SETD2: variants seen among roughly 807,000 people sequenced by gnomAD.
The protein encoded by SETD2 is histone-lysine N-methyltransferase SETD2.
SETD2 carries 31 observed loss-of-function variants against 242.1 expected under a neutral mutation model. The ratio of observed to expected loss-of-function variants is 0.13; its 90% CI spans 0.10 to 0.17. The LOEUF is 0.17. Among genes scored for constraint, SETD2 ranks in the 10% least tolerant of loss-of-function variants. The probability of loss-of-function intolerance (pLI) is 1.00; values close to 1 mark genes in which losing one functional copy is unlikely to be tolerated. For synonymous variants in SETD2, 1,006 were observed against 1,066.5 expected (o/e 0.94, Z 1.11); for missense variants, 2,481 against 3,046.3 (o/e 0.81, Z 4.37).
chr3:47,029,150 C>T (rs1296388737), intron 18 of SETD2: 1 of 154,280 alleles, frequency 6.5e-6, no homozygotes, highest in African/African-American at 2.4e-5. Context: ...GCAGCCTCGA[C>T]CTCTGGGGCT....
In SETD2 at chr3:47,113,920, T is replaced by C. The variant is rs1249012798; in HGVS notation, c.4671A>G (p.Thr1557=). The C allele has an allele frequency of 6.2e-7, 1 of 1,613,828 alleles. No individual in the cohort carries two copies. The highest frequency in any genetic ancestry group is 8.5e-7 in the Non-Finnish European group (1 of 1,179,858). Residue 1557 remains threonine (T), a synonymous_variant, in exon 5 of 21, where the codon ACA becomes ACG. Transcript: ENST00000409792. The stretch of plus-strand genomic sequence containing the variant: ...CTCTCAAGCCCCAGCCTTTCTTTTC[T>C]GTGAGTATGACTTCCACATCTGCAT... The part of the protein sequence containing the change: ...KQHADVEVIL[T]EKKGWGLRAA...
At position 47,145,410 on chromosome 3, in the gene SETD2, A is replaced by G. The variant is rs1294002589; in HGVS notation, c.71+18444T>C. On this transcript the variant is annotated intron_variant, in intron 1 of 20. Transcript: ENST00000409792. Reference sequence around the variant, plus strand: ...CCTGTGTTTTGTTTTTGTTTTTAAGAGACGGGGTCTTGCTTTGTTGCCCAG... The same window carrying G: ...CCTGTGTTTTGTTTTTGTTTTTAAGGGACGGGGTCTTGCTTTGTTGCCCAG... 5.7e-5 allele frequency: 16 copies of G among 281,422 alleles called. No individual in the cohort carries two copies. In the East Asian group the frequency reaches 1.4e-3, roughly 25 times the overall value. 17.4% of individuals were successfully genotyped at this position (281,422 alleles called of 1,614,324 possible). A position where few individuals can be genotyped will look rare whatever the true frequency, so the allele number is the denominator to read the frequency against.
intron 4 of SETD2, 117 bp from the exon 5 acceptor site, chr3:47,114,121 T>C: frequency 3.0e-6 from 3 of 988,494 alleles, no homozygotes; most frequent in East Asian, 2.6e-5. Flanking sequence ...ATAATTAGCA[T>C]ATGTATGACT....
In SETD2 at chr3:47,122,216, G is replaced by C. The variant is rs1239610142; in HGVS notation, c.2420C>G (p.Ser807Cys). The C allele has an allele frequency of 4.3e-6, 7 of 1,614,104 alleles. No homozygotes were observed. Among genetic ancestry groups the C allele is most frequent in the Non-Finnish European group, 5.9e-6 (7 of 1,179,994 alleles). The change falls in exon 3 of 21, where the codon TCT (serine) becomes TGT (cysteine). Residue 807 changes from serine (S) to cysteine (C), a missense_variant. This residue lies in a region of SETD2 where 1,300 missense variants were observed against 1,259.2 expected (regional missense o/e 1.03). Coordinates refer to ENST00000409792, the MANE Select transcript of SETD2 (RefSeq NM_014159.7). ...TGAAGGCTCAATATTTTCAGCTTCA[G>C]AGTTACACAAAGAAGGGTTGCTATC... is the stretch of plus-strand genomic sequence containing the variant. Reference protein sequence around the residue: ...LNDSNPSLCNSEAENIEPSVM... With the variant: ...LNDSNPSLCNCEAENIEPSVM...
chr3:47,103,153 G>A (rs911362303), intron 7 of SETD2, among the ~76,000 whole-genome samples, 193 bp downstream of exon 7: 1 of 151,906 alleles, frequency 6.6e-6, no homozygotes, highest in Non-Finnish European at 1.5e-5. Context: ...CTGATATATG[G>A]GTGTAGTCAA....
chr3:47,062,487 A>C (rs1046536840), intron 13 of SETD2, 141 bp from the exon 14 acceptor site: 2 of 714,182 alleles, frequency 2.8e-6, no homozygotes, highest in East Asian at 5.3e-5. Flanking sequence ...TCATCTACCC[A>C]GTTCTGAATT....
Position 47,049,551 on chromosome 3 carries a change from T to A in SETD2, c.6964-2930A>T, listed in dbSNP as rs1418898437. Among the ~76,000 whole-genome samples the A allele has an allele frequency of 1.4e-4, 20 of 146,860 alleles. No individual in the cohort carries two copies. In the Admixed American group the frequency reaches 1.4e-3, roughly 10 times the overall value. Reference sequence around the variant, plus strand: ...CCACACCTGGCTAATTTTTTGTATTTTTAGTAGAGATGGGGTTTCACCTTG... The same window carrying A: ...CCACACCTGGCTAATTTTTTGTATTATTAGTAGAGATGGGGTTTCACCTTG... On this transcript the variant is annotated intron_variant, in intron 15 of 20. Transcript: ENST00000409792.
At chr3:47,125,133 AC>A (rs1463456745) in intron 2 of SETD2, among the ~76,000 whole-genome samples, 4 of 152,038 alleles carry the variant, frequency 2.6e-5, no homozygotes, top group African/African-American at 9.7e-5. Context: ...AGCCTGGCCA[AC>A]ATAATGAAAA....
In SETD2 at chr3:47,121,390, T is replaced by C. The variant is rs750397992; in HGVS notation, c.3246A>G (p.Glu1082=). The C allele has an allele frequency of 1.2e-6, 2 of 1,610,048 alleles. No homozygotes were observed. Among genetic ancestry groups the C allele is most frequent in the Admixed American group, 3.3e-5 (2 of 60,024 alleles). The change falls in exon 3 of 21, where the codon GAA becomes GAG. Residue 1082 remains glutamate (E), a synonymous_variant. Transcript: ENST00000409792. The part of the protein sequence containing the change: ...VPKNSTLPME[E]TSPCSSRSSQ... ...TGCTCCGAGAAGAACAAGGACTTGT[T>C]TCTTCCATGGGCAAAGTAGAATTCT...
intron 1 of SETD2, among the ~76,000 whole-genome samples, chr3:47,155,024 G>C (rs571184538): frequency 2.0e-5 from 3 of 151,806 alleles, no homozygotes; most frequent in African/African-American, 7.2e-5. Context: ...CATACTATCA[G>C]ACCCTGTTAT....
intron 1 of SETD2, 179 bp downstream of exon 1, chr3:47,163,675 G>C (rs991273287): frequency 2.7e-4 from 122 of 444,108 alleles, no homozygotes; most frequent in African/African-American, 2.2e-3. Context: ...GGCCTGCTGC[G>C]GCCCCGGCCA....
At chr3:47,048,248 G>T (rs1022878389) in intron 15 of SETD2, among the ~76,000 whole-genome samples, 3 of 152,086 alleles carry the variant, frequency 2.0e-5, no homozygotes, top group Non-Finnish European at 2.9e-5. Flanking sequence ...AATTAGCCAG[G>T]CATGGTGGCA....
chr3:47,160,445 C>T (rs1428867381), intron 1 of SETD2, among the ~76,000 whole-genome samples: 2 of 151,522 alleles, frequency 1.3e-5, no homozygotes, highest in East Asian at 3.9e-4. Flanking sequence ...GGATTACAGG[C>T]GCCTGCCACC....
At chr3:47,054,058 CTA>C (rs1185604473) in intron 15 of SETD2, among the ~76,000 whole-genome samples, 5 of 152,148 alleles carry the variant, frequency 3.3e-5, no homozygotes, top group Non-Finnish European at 4.4e-5. Flanking sequence ...ACAATATATT[CTA>C]TGTTTCTCAA....
At chr3:47,018,028 C>A (rs898601991) in intron 19 of SETD2, among the ~76,000 whole-genome samples, 3 of 152,102 alleles carry the variant, frequency 2.0e-5, no homozygotes, top group African/African-American at 7.2e-5. Flanking sequence ...CTTCAGCAGC[C>A]CCAGGTTTCA....
In SETD2 at chr3:47,091,288, G is replaced by A. The variant is rs2041793131; in HGVS notation, c.5143-3041C>T. Reference sequence around the variant, plus strand: ...CCTCAACTGTAACAGCCAGAATACTGCTTTTGACAGATTTTTGAGACGAAA... The same window carrying A: ...CCTCAACTGTAACAGCCAGAATACTACTTTTGACAGATTTTTGAGACGAAA... On this transcript the variant is annotated intron_variant, in intron 9 of 20. Coordinates refer to ENST00000409792, the MANE Select transcript of SETD2 (RefSeq NM_014159.7). 2.0e-5 allele frequency among the ~76,000 whole-genome samples: 3 copies of A among 152,088 alleles called. No individual in the cohort carries two copies. In the South Asian group the frequency reaches 6.2e-4, roughly 32 times the overall value.
rs2043147189 is a variant in SETD2 at position 47,122,641 on chromosome 3, ACTT to A, written c.1992_1994del (p.Arg664del). On this transcript the variant is annotated inframe_deletion, in exon 3 of 21. Coordinates refer to ENST00000409792, the MANE Select transcript of SETD2 (RefSeq NM_014159.7). ...TTATATTTAATTCTATGGGACAAAA[ACTT>A]CTTAATTGATCATTCTTCACTTTAG... The A allele has an allele frequency of 2.5e-6, 4 of 1,613,510 alleles. No homozygotes were observed. The highest frequency in any genetic ancestry group is 1.7e-5 in the Admixed American group (1 of 59,998).
upstream of SETD2, among the ~76,000 whole-genome samples, chr3:47,164,130 C>G (rs1461110590): frequency 6.6e-6 from 1 of 152,130 alleles, no homozygotes. The surrounding 1 kb of genome is among the most constrained non-coding windows in gnomAD (Gnocchi z 5.4). Flanking sequence ...CACCCTCACA[C>G]CGGGAGCGAC....
intron 11 of SETD2, among the ~76,000 whole-genome samples, chr3:47,084,894 C>CT (rs879474671): frequency 0.024 from 3,170 of 133,366 alleles, 71 homozygotes; most frequent in Middle Eastern, 0.056. Flanking sequence ...CCATGCACAG[C>CT]TTTTTTTTTT....
Sources: allele counts gnomAD v4.1 joint callset (sites outside exome capture counted in the v4.1 genomes callset), GRCh38; gene constraint gnomAD v4.1.1; regional missense constraint gnomAD v4.1.1; non-coding constraint Gnocchi (gnomAD v3.1); transcripts MANE v1.5; gene names NCBI Gene and HGNC (gene_info 2026-07-23, HGNC 2026-07-21).